The following CP variants were observed in gnomAD, a reference collection of about 807,000 sequenced individuals.
The protein encoded by CP is caeruloplasmin.
CP carries 64 observed loss-of-function variants against 122.4 expected under a neutral mutation model. The ratio of observed to expected loss-of-function variants is 0.52; its 90% confidence interval spans 0.43 to 0.64. The LOEUF (loss-of-function observed/expected upper bound fraction) is 0.64, where lower values mean the gene tolerates loss of function less well. Ranked by LOEUF, CP falls within the 30% of genes least tolerant of loss-of-function variation. The probability of loss-of-function intolerance (pLI) is 0.00; values close to 1 mark genes in which losing one functional copy is unlikely to be tolerated. For synonymous variants in CP, 440 were observed against 436.4 expected, an observed-to-expected ratio of 1.01 and a Z score of -0.10; for missense variants, 1,167 against 1,284.4, an observed-to-expected ratio of 0.91 and a Z score of 1.40.
chr3:149,169,873 A>G (rs1724803660), downstream of CP, among the ~76,000 whole-genome samples: 1 of 152,194 alleles, frequency 6.6e-6, no homozygotes, highest in South Asian at 2.1e-4. Flanking sequence ...GAAATTTTCA[A>G]CCTTTGACAA....
chr3:149,205,005 C>A (rs1012435335), intron 6 of CP, among the ~76,000 whole-genome samples: 2 of 151,608 alleles, frequency 1.3e-5, no homozygotes, highest in Non-Finnish European at 2.9e-5. Context: ...TACAGGTCAA[C>A]AACAACAACA....
At chr3:149,213,858 G>C (rs1229207557) in intron 1 of CP, among the ~76,000 whole-genome samples, 1 of 152,054 alleles carries the variant, frequency 6.6e-6, no homozygotes, top group African/African-American at 2.4e-5. Context: ...TGAGAGCTCT[G>C]GACTTTCACT....
intron 6 of CP, among the ~76,000 whole-genome samples, chr3:149,204,037 G>C (rs1369216929): frequency 6.6e-6 from 1 of 152,172 alleles, no homozygotes; most frequent in Non-Finnish European, 1.5e-5. Context: ...AGAGGAAACT[G>C]CTTATGAGCA....
chr3:149,168,120 G>T, downstream of CP: 1 of 656,266 alleles, frequency 1.5e-6, no homozygotes, highest in Non-Finnish European at 2.8e-6. Flanking sequence ...CTTATTTTCA[G>T]CATTCACGTA....
intron 6 of CP, among the ~76,000 whole-genome samples, chr3:149,202,452 T>C (rs930995480): frequency 1.2e-4 from 19 of 152,090 alleles, no homozygotes; most frequent in African/African-American, 4.3e-4. Context: ...TAGAGAATCA[T>C]GGAGGATGTT....
chr3:149,211,170 A>G (rs2108298613), intron 2 of CP, among the ~76,000 whole-genome samples: 1 of 152,324 alleles, frequency 6.6e-6, no homozygotes, highest in East Asian at 1.9e-4. Flanking sequence ...CACTTTCTAA[A>G]CCAATATCTC....
chr3:149,181,723 G>C (rs1016026500), intron 14 of CP, among the ~76,000 whole-genome samples: 8 of 152,282 alleles, frequency 5.3e-5, no homozygotes, highest in Middle Eastern at 6.8e-3. Flanking sequence ...TTTGAGCTGT[G>C]TTCTAGCTGA....
chr3:149,177,979 G>A lies in CP; in HGVS notation c.2879C>T (p.Ala960Val). Residue 960 changes from alanine (A) to valine (V), a missense_variant and splice_region_variant, in exon 17 of 19, where the codon GCT becomes GTT. Transcript: ENST00000264613. Reference protein sequence around the residue: ...EEFIESNKMHAINGRMFGNLQ... With the variant: ...EEFIESNKMHVINGRMFGNLQ... ...GTTTCCAAACATTCTTCCATTAATA[G>A]CTAGGGAAAGCATATGGTTTTATGT... is the stretch of plus-strand genomic sequence containing the variant. The A allele has an allele frequency of 6.2e-7, 1 of 1,612,560 alleles. No homozygotes were observed. Among genetic ancestry groups the A allele is most frequent in the Non-Finnish European group, 8.5e-7 (1 of 1,178,628 alleles).
intron 3 of CP, 53 bp downstream of exon 3, chr3:149,210,114 G>T (rs1576778732): frequency 1.5e-5 from 23 of 1,543,394 alleles, no homozygotes; most frequent in Middle Eastern, 2.0e-4. Flanking sequence ...AAGACAAACT[G>T]CCCTGCCCCT....
Position 149,202,534 on chromosome 3 carries a change from A to C in CP, c.1209-293T>G, listed in dbSNP as rs146828279. On this transcript the variant is annotated intron_variant, in intron 6 of 18. Transcript: ENST00000264613. Reference sequence around the variant, plus strand: ...CCTTGACAAAGGATTCTACCATAGAATCTTTTTATCAAATTGTGAAATGTT... The same window carrying C: ...CCTTGACAAAGGATTCTACCATAGACTCTTTTTATCAAATTGTGAAATGTT... Among the ~76,000 whole-genome samples, 9 of 151,876 alleles carry C rather than the reference A, an allele frequency of 5.9e-5. No individual in the cohort carries two copies. In the East Asian group the frequency reaches 1.7e-3, roughly 29 times the overall value.
chr3:149,176,589 T>C, intron 17 of CP, 177 bp from the exon 18 acceptor site: 2 of 592,308 alleles, frequency 3.4e-6, no homozygotes, highest in Non-Finnish European at 6.0e-6. Flanking sequence ...TCCTAATAAG[T>C]CTTTGGTATC....
intron 6 of CP, among the ~76,000 whole-genome samples, chr3:149,204,601 AG>A (rs1727577268): frequency 6.6e-6 from 1 of 152,188 alleles, no homozygotes; most frequent in South Asian, 2.1e-4. Flanking sequence ...CAGGAGTCAC[AG>A]GTCTGGGCTG....
At chr3:149,179,535 A>C (rs772333039) in intron 15 of CP, 21 bp downstream of exon 15, 1 of 1,581,278 alleles carries the variant, frequency 6.3e-7, no homozygotes, top group African/African-American at 1.3e-5. Flanking sequence ...AGTGTCACAA[A>C]ACAAATGATT....
At chr3:149,163,604 G>A (rs537872026) in intron 5 of CP, among the ~76,000 whole-genome samples, 4 of 152,280 alleles carry the variant, frequency 2.6e-5, no homozygotes, top group Non-Finnish European at 5.9e-5. Context: ...TTGCTAGAAA[G>A]TGCCTCTTTG....
At chr3:149,204,185 T>C (rs1727541177) in intron 6 of CP, among the ~76,000 whole-genome samples, 1 of 152,198 alleles carries the variant, frequency 6.6e-6, no homozygotes, top group South Asian at 2.1e-4. Context: ...GGTTTCAGCC[T>C]TCCATCCCAG....
intron 6 of CP, among the ~76,000 whole-genome samples, chr3:149,205,232 G>T (rs902783034): frequency 5.3e-5 from 8 of 150,836 alleles, no homozygotes; most frequent in African/African-American, 1.9e-4. Context: ...TGATGAGAAT[G>T]TGAAGAAATT....
chr3:149,221,329 A>G (rs996392466), intron 1 of CP, among the ~76,000 whole-genome samples: 2 of 152,234 alleles, frequency 1.3e-5, no homozygotes, highest in African/African-American at 4.8e-5. Flanking sequence ...AACATTGTAT[A>G]CAGTAATTGT....
At chr3:149,167,285 C>G (rs1724521864) in intron 4 of CP, 1 of 1,467,372 alleles carries the variant, frequency 6.8e-7, no homozygotes. Context: ...CAGTGATAAT[C>G]AGATCTGATA....
Position 149,206,333 on chromosome 3 carries a change from A to G in CP, c.1043T>C (p.Leu348Ser). ...CQNLNHLKAG[L>S]QAFFQVQECN... ...CTCCTGGACCTGGAAAAAGGCTTGC[A>G]AACCGGCTGAAATGAAACAGAAAGA... The change falls in exon 6 of 19, where the codon TTG (leucine) becomes TCG (serine). Residue 348 changes from leucine to serine, a missense_variant. Around this residue, in one of 2 missense-constraint regions of CP, gnomAD observed 642 missense variants for 627.3 expected, o/e 1.02. Transcript: ENST00000264613. The G allele has an allele frequency of 6.2e-7, 1 of 1,613,928 alleles. No homozygotes were observed. Among genetic ancestry groups the G allele is most frequent in the Non-Finnish European group, 8.5e-7 (1 of 1,179,788 alleles).
Sources: allele counts gnomAD v4.1 joint callset (sites outside exome capture counted in the v4.1 genomes callset), GRCh38; gene constraint gnomAD v4.1.1; regional missense constraint gnomAD v4.1.1; transcripts MANE v1.5; gene names NCBI Gene and HGNC (gene_info 2026-07-23, HGNC 2026-07-21).